Variants in SCN1B observed in about 807,000 individuals in gnomAD.
SCN1B encodes sodium channel regulatory subunit beta-1.
A neutral mutation model predicts 25.7 loss-of-function variants in SCN1B; 11 were observed. That is an observed-to-expected ratio of 0.43 (90% confidence interval 0.27 to 0.71). The LOEUF (loss-of-function observed/expected upper bound fraction) is 0.71. Among genes scored for constraint, SCN1B ranks in the 30% least tolerant of loss-of-function variants. The probability of loss-of-function intolerance (pLI) is 0.21; values close to 1 mark genes in which losing one functional copy is unlikely to be tolerated. For missense variants in SCN1B, 224 were observed against 291.5 expected (o/e 0.77, Z 1.69); for synonymous variants, 119 against 117.5 (o/e 1.01, Z -0.08).
intron 3 of SCN1B, chr19:35,035,778 C>A (rs1444436293): frequency 6.6e-6 from 1 of 152,160 alleles, no homozygotes; most frequent in Non-Finnish European, 1.5e-5. Flanking sequence ...AAACATTACC[C>A]ACTATATTAT....
At position 35,030,816 on chromosome 19, in the gene SCN1B, C is replaced by A; in HGVS notation, c.-5C>A. The A allele has an allele frequency of 9.2e-7, 1 of 1,091,710 alleles. No homozygotes were observed. Among genetic ancestry groups the A allele is most frequent in the Non-Finnish European group, 1.2e-6 (1 of 860,416 alleles). The allele number at this position is 1,091,710 out of a possible 1,614,324, so 67.6% of individuals were successfully genotyped here. A position where few individuals can be genotyped will look rare whatever the true frequency, so the allele number is the denominator to read the frequency against. On this transcript the variant is annotated 5_prime_UTR_variant, in exon 1 of 6. Transcript: ENST00000262631. Reference sequence around the variant, plus strand: ...GGAGGGGGGCGCAGCACGCGCCGCGCAGCCATGGGGAGGCTGCTGGCCTTA... The same window carrying A: ...GGAGGGGGGCGCAGCACGCGCCGCGAAGCCATGGGGAGGCTGCTGGCCTTA...
intron 3 of SCN1B, 104 bp downstream of exon 3, chr19:35,033,843 A>T: frequency 6.2e-7 from 1 of 1,611,844 alleles, no homozygotes; most frequent in Non-Finnish European, 8.5e-7. Flanking sequence ...GTGCCTGGCC[A>T]GCCAACCGCC....
chr19:35,038,935 A>G, intron 3 of SCN1B, 182 bp from the exon 4 acceptor site: 1 of 696,368 alleles, frequency 1.4e-6, no homozygotes, highest in East Asian at 2.7e-5. Flanking sequence ...CGAGTTACAC[A>G]GGGAGGCAGG....
rs1056845260 is a variant in SCN1B at position 35,040,437 on chromosome 19, C to G, written c.*646C>G. The G allele has an allele frequency of 2.0e-5, 3 of 153,108 alleles. No homozygotes were observed. The highest frequency in any genetic ancestry group is 7.2e-5 in the African/African-American group (3 of 41,454). The allele number at this position is 153,108 out of a possible 1,614,324, so 9.5% of individuals were successfully genotyped here. A position where few individuals can be genotyped will look rare whatever the true frequency, so the allele number is the denominator to read the frequency against. On this transcript the variant is annotated 3_prime_UTR_variant, in exon 6 of 6. Coordinates refer to ENST00000262631, the MANE Select transcript of SCN1B (RefSeq NM_001037.5). ...AGTAGTTTTGTTCATGAAATAAAGA[C>G]TCTTGGACTTGATGCATAGTTTCGA...
Position 35,032,454 on chromosome 19 carries a change from A to G in SCN1B, c.41-74A>G. On this transcript the variant is annotated intron_variant, in intron 1 of 5. Coordinates refer to ENST00000262631, the MANE Select transcript of SCN1B (RefSeq NM_001037.5). This position sits in a 1 kb window ranked among gnomAD's most constrained non-coding sequence, Gnocchi z 4.3. ...CTGGTAATCATTGAGGGGGGAACAG[A>G]TGGTTTGTGAGGGGTCTGGCATTGC... 6.4e-7 allele frequency: 1 copy of G among 1,559,860 alleles called. No homozygotes were observed. Among genetic ancestry groups the G allele is most frequent in the Non-Finnish European group, 8.8e-7 (1 of 1,139,700 alleles).
chr19:35,032,772 GGGC>G lies in SCN1B; in HGVS notation c.207+79_207+81del. ...GCGGTGGGGCTGGATCTCAGGGAGGGGGCTTATTTGTTTAATAATATGCTGTGA... is the reference window on the plus strand; with the variant it reads ...GCGGTGGGGCTGGATCTCAGGGAGGGTTATTTGTTTAATAATATGCTGTGA... On this transcript the variant is annotated intron_variant, in intron 2 of 5. Coordinates refer to ENST00000262631, the MANE Select transcript of SCN1B (RefSeq NM_001037.5). This position sits in a 1 kb window ranked among gnomAD's most constrained non-coding sequence, Gnocchi z 4.3. 6.6e-7 allele frequency: 1 copy of G among 1,509,254 alleles called. No homozygotes were observed. 93.5% of individuals were successfully genotyped at this position (1,509,254 alleles called of 1,614,324 possible).
At chr19:35,036,663 C>G (rs1344240516) in intron 3 of SCN1B, 2 of 151,854 alleles carry the variant, frequency 1.3e-5, no homozygotes, top group African/African-American at 4.8e-5. Context: ...GAACTCCTGA[C>G]CTCAGGTGAT....
rs771174760 is a variant in SCN1B at position 35,033,862 on chromosome 19, C to T, written c.448+123C>T. The T allele has an allele frequency of 6.8e-6, 11 of 1,609,528 alleles. No individual in the cohort carries two copies. The highest frequency in any genetic ancestry group is 1.7e-5 in the Admixed American group (1 of 59,550). ...CTGGCCAGCCAACCGCCCACAGCAG[C>T]GGGCTGAGGGGGAGGGGAGCAGCCC... On this transcript the variant is annotated intron_variant, in intron 3 of 5. Transcript: ENST00000262631.
In SCN1B at chr19:35,030,760, C is replaced by A; in HGVS notation, c.-61C>A. ...TCTAACCGCCGCCAGGTCCCGCCGC[C>A]TCTCGCCCCGCTATTAATACCGGCG... On this transcript the variant is annotated 5_prime_UTR_variant, in exon 1 of 6. Coordinates refer to ENST00000262631, the MANE Select transcript of SCN1B (RefSeq NM_001037.5). The A allele has an allele frequency of 1.7e-6, 1 of 584,980 alleles. No homozygotes were observed. Among genetic ancestry groups the A allele is most frequent in the Non-Finnish European group, 2.6e-6 (1 of 378,306 alleles). The allele number at this position is 584,980 out of a possible 1,614,324, so 36.2% of individuals were successfully genotyped here. A position where few individuals can be genotyped will look rare whatever the true frequency, so the allele number is the denominator to read the frequency against.
intron 3 of SCN1B, chr19:35,034,082 C>T: frequency 1.3e-6 from 2 of 1,551,658 alleles, no homozygotes; most frequent in Non-Finnish European, 1.7e-6. Flanking sequence ...CGATGTGTTT[C>T]TCGGGGTGTG....
chr19:35,039,576 C>G, intron 4 of SCN1B, 59 bp from the exon 5 acceptor site: 1 of 1,568,380 alleles, frequency 6.4e-7, no homozygotes, highest in Non-Finnish European at 8.8e-7. Context: ...TCCCCCATCC[C>G]CCGGGGGTTG....
rs895421614 is a variant in SCN1B, at chr19:35,032,982, A to G, written c.207+288A>G. On this transcript the variant is annotated intron_variant, in intron 2 of 5. Transcript: ENST00000262631. This position sits in a 1 kb window ranked among gnomAD's most constrained non-coding sequence, Gnocchi z 4.3. Reference sequence around the variant, plus strand: ...GCACCTGGCACACGGTTGGCATGAAATAAATGTCAGTGGACTTATTTGGCA... The same window carrying G: ...GCACCTGGCACACGGTTGGCATGAAGTAAATGTCAGTGGACTTATTTGGCA... Among the ~76,000 whole-genome samples the G allele has an allele frequency of 6.6e-6, 1 of 152,202 alleles. No homozygotes were observed. The highest frequency in any genetic ancestry group is 2.4e-5 in the African/African-American group (1 of 41,444).
intron 3 of SCN1B, chr19:35,034,123 T>C: frequency 1.3e-6 from 2 of 1,551,476 alleles, no homozygotes; most frequent in Non-Finnish European, 1.7e-6. Flanking sequence ...ATGGGGTTCA[T>C]GAGGATTGAG....
intron 2 of SCN1B, 39 bp from the exon 3 acceptor site, chr19:35,033,451 GAAGAGAGGC>G (rs1456349088): frequency 6.2e-7 from 1 of 1,611,560 alleles, no homozygotes; most frequent in South Asian, 1.1e-5. Flanking sequence ...TCAGGTAAGG[GAAGAGAGGC>G]CCAGGCAGTG....
At chr19:35,039,532 G>A in intron 4 of SCN1B, 103 bp from the exon 5 acceptor site, 1 of 1,189,634 alleles carries the variant, frequency 8.4e-7, no homozygotes, top group Non-Finnish European at 1.2e-6. Flanking sequence ...TCTAACTAAG[G>A]AGCCCTGTGT....
Position 35,038,954 on chromosome 19 carries a change from G to A in SCN1B, c.449-163G>A, listed in dbSNP as rs968873134. 7 of 802,004 alleles carry A rather than the reference G, an allele frequency of 8.7e-6. No individual in the cohort carries two copies. In the Admixed American group the frequency reaches 1.1e-4, roughly 13 times the overall value. The allele number at this position is 802,004 out of a possible 1,614,324, so 49.7% of individuals were successfully genotyped here. Reference sequence around the variant, plus strand: ...TTACACAGGGAGGCAGGTTGAGGGTGACCCCCACCAGGCCTACCCAAGGCT... The same window carrying A: ...TTACACAGGGAGGCAGGTTGAGGGTAACCCCCACCAGGCCTACCCAAGGCT... On this transcript the variant is annotated intron_variant, in intron 3 of 5. Transcript: ENST00000262631.
chr19:35,031,969 CT>C (rs1456662811), intron 1 of SCN1B, among the ~76,000 whole-genome samples: 1 of 152,112 alleles, frequency 6.6e-6, no homozygotes, highest in Non-Finnish European at 1.5e-5. Context: ...CACACAGGGG[CT>C]TGTGGGCTGT....
At position 35,032,495 on chromosome 19, in the gene SCN1B, C is replaced by G; in HGVS notation, c.41-33C>G. ...CTGGCATTGCTTAGGGCAATGGGTG[C>G]CTCTGCCTGACCTGAGCCTGCTGTC... On this transcript the variant is annotated intron_variant, in intron 1 of 5. Coordinates refer to ENST00000262631, the MANE Select transcript of SCN1B (RefSeq NM_001037.5). The surrounding 1 kb of genome is among the most constrained non-coding windows in gnomAD (Gnocchi z 4.3). The G allele has an allele frequency of 6.2e-7, 1 of 1,611,636 alleles. No individual in the cohort carries two copies. The highest frequency in any genetic ancestry group is 1.1e-5 in the South Asian group (1 of 91,052).
At chr19:35,034,558 T>G in intron 3 of SCN1B, 2 of 179,656 alleles carry the variant, frequency 1.1e-5, no homozygotes, top group Non-Finnish European at 2.4e-5. Context: ...CTGTGGCCAC[T>G]GGCTTAGAGT....
Sources: gnomAD v4.1 joint callset for allele counts (sites outside exome capture counted in the v4.1 genomes callset) on GRCh38, gnomAD v4.1.1 for gene constraint, Gnocchi (gnomAD v3.1) non-coding constraint, MANE v1.5 for transcripts, NCBI Gene and HGNC (gene_info 2026-07-23, HGNC 2026-07-21) for gene names.